The following TPX2 variants were observed in gnomAD, a reference collection of about 807,000 sequenced individuals.
TPX2 encodes the protein TPX2 microtubule nucleation factor.
TPX2 carries 21 observed loss-of-function variants against 93.6 expected under a neutral mutation model. That is an observed-to-expected ratio of 0.22 (90% CI 0.16 to 0.32). The LOEUF is 0.32. Among genes scored for constraint, TPX2 ranks in the 10% least tolerant of loss-of-function variants. TPX2 has a pLI of 1.00. For synonymous variants in TPX2, 281 were observed against 298.3 expected, an observed-to-expected ratio of 0.94 and a Z score of 0.60; for missense variants, 776 against 871.1, an observed-to-expected ratio of 0.89 and a Z score of 1.37.
chr20:31,765,145 T>G (rs940649984), intron 4 of TPX2, among the ~76,000 whole-genome samples: 1 of 151,738 alleles, frequency 6.6e-6, no homozygotes, highest in Non-Finnish European at 1.5e-5. Context: ...CCCATAACAC[T>G]TTTTTTCTAT....
At position 31,801,306 on chromosome 20, in the gene TPX2, G is replaced by T; in HGVS notation, c.*226G>T. On this transcript the variant is annotated 3_prime_UTR_variant, in exon 18 of 18. Coordinates refer to ENST00000300403, the MANE Select transcript of TPX2 (RefSeq NM_012112.5). ...ATGAGATGTAACTCATGAATGTCTC[G>T]ATTAGACTCCATGTAGTTACTTCCT... The T allele has an allele frequency of 2.1e-6, 1 of 484,972 alleles. No individual in the cohort carries two copies. The highest frequency in any genetic ancestry group is 2.7e-5 in the South Asian group (1 of 36,706). The allele number at this position is 484,972 out of a possible 1,614,324, so 30.0% of individuals were successfully genotyped here.
chr20:31,755,740 G>T (rs2061848028), intron 2 of TPX2, among the ~76,000 whole-genome samples: 1 of 151,304 alleles, frequency 6.6e-6, no homozygotes, highest in Admixed American at 6.6e-5. Flanking sequence ...CAGCCTGGGG[G>T]ACAGAGTGAG....
rs887151180 is a variant in TPX2, at chr20:31,798,461, T to G, written c.2042T>G (p.Val681Gly). 1.2e-6 allele frequency: 2 copies of G among 1,613,626 alleles called. No individual in the cohort carries two copies. The highest frequency in any genetic ancestry group is 1.7e-6 in the Non-Finnish European group (2 of 1,179,998). The change falls in exon 17 of 18, where the codon GTA (valine) becomes GGA (glycine). Residue 681 changes from valine to glycine, a missense_variant. By Grantham distance (109) the Val-to-Gly change is moderately radical. Transcript: ENST00000300403. ...RQELEKRMAE[V>G]EAQKAQQLEE... ...GAGCTGGAGAAGAGAATGGCTGAGG[T>G]AGAAGCCCAGAAAGCCCAGCAGTTG...
chr20:31,794,919 C>A (rs1353001137), intron 15 of TPX2, among the ~76,000 whole-genome samples: 1 of 151,694 alleles, frequency 6.6e-6, no homozygotes, highest in Non-Finnish European at 1.5e-5. Flanking sequence ...CTCCTGGGTT[C>A]ACGCCAGTCT....
intron 2 of TPX2, among the ~76,000 whole-genome samples, chr20:31,744,953 G>A (rs899467735): frequency 6.6e-6 from 1 of 152,096 alleles, no homozygotes; most frequent in African/African-American, 2.4e-5. Flanking sequence ...CAGGCATGAT[G>A]ACGGGTGCCT....
At chr20:31,746,532 T>C (rs749135204) in intron 2 of TPX2, among the ~76,000 whole-genome samples, 1 of 152,048 alleles carries the variant, frequency 6.6e-6, no homozygotes, top group Non-Finnish European at 1.5e-5. Context: ...TATTCTATTA[T>C]ATTACCAGTT....
chr20:31,767,523 A>G (rs533896932), intron 5 of TPX2, among the ~76,000 whole-genome samples: 1 of 151,930 alleles, frequency 6.6e-6, no homozygotes, highest in African/African-American at 2.4e-5. Flanking sequence ...TATAGGCATA[A>G]ACCACCGCAT....
Position 31,741,061 on chromosome 20 carries a change from A to G in TPX2, c.-178+1440A>G, listed in dbSNP as rs138236148. ...ACCTTGATAAAATTAATTTATTGCAATTAAGTTTGTCCAGGATTATGTGAG... is the reference window on the plus strand; with the variant it reads ...ACCTTGATAAAATTAATTTATTGCAGTTAAGTTTGTCCAGGATTATGTGAG... On this transcript the variant is annotated intron_variant, in intron 1 of 17. Transcript: ENST00000300403. Among the ~76,000 whole-genome samples the G allele has an allele frequency of 3.3e-3, 506 of 152,312 alleles. 5 individuals are homozygous for G. The highest frequency in any genetic ancestry group is 0.012 in the African/African-American group (490 of 41,568).
intron 17 of TPX2, 109 bp from the exon 18 acceptor site, chr20:31,800,861 G>A: frequency 1.1e-6 from 1 of 893,710 alleles, no homozygotes; most frequent in Non-Finnish European, 1.8e-6. Flanking sequence ...ACTAGTGACT[G>A]GGACCTGTAA....
intron 2 of TPX2, among the ~76,000 whole-genome samples, chr20:31,755,760 CAAAA>C (rs559251251): frequency 6.1e-5 from 7 of 113,974 alleles, no homozygotes; most frequent in African/African-American, 2.3e-4. Context: ...GACTCCGTCT[CAAAA>C]AAAAAAAAAA....
chr20:31,797,500 A>G lies in TPX2; in HGVS notation c.1930A>G (p.Lys644Glu). The change falls in exon 16 of 18, where the codon AAG becomes GAG. Residue 644 changes from lysine (K) to glutamate (E), a missense_variant. Physicochemically the swap from Lys to Glu is moderately conservative, Grantham distance 56. Coordinates refer to ENST00000300403, the MANE Select transcript of TPX2 (RefSeq NM_012112.5). ...GGAGCCCTTTGTTCCCAAGAAAGAG[A>G]AGAAATCAGTTGCTGGTAGTATTAT... is the stretch of plus-strand genomic sequence containing the variant. ...SQEPFVPKKE[K>E]KSVAEGLSGS... is the part of the protein sequence containing the mutation. The G allele has an allele frequency of 6.2e-7, 1 of 1,613,944 alleles. No individual in the cohort carries two copies. The highest frequency in any genetic ancestry group is 8.5e-7 in the Non-Finnish European group (1 of 1,179,892).
intron 1 of TPX2, among the ~76,000 whole-genome samples, chr20:31,740,739 G>C (rs866137171): frequency 6.6e-6 from 1 of 152,194 alleles, no homozygotes; most frequent in Non-Finnish European, 1.5e-5. Context: ...GGACAATTTA[G>C]AGGTGAGGGA....
At chr20:31,792,998 A>C (rs1473153202) in intron 13 of TPX2, among the ~76,000 whole-genome samples, 168 bp downstream of exon 13, 1 of 152,190 alleles carries the variant, frequency 6.6e-6, no homozygotes, top group Non-Finnish European at 1.5e-5. Flanking sequence ...TCCAAGAACA[A>C]AGTAATTGGT....
intron 2 of TPX2, among the ~76,000 whole-genome samples, chr20:31,749,511 G>A (rs1233433399): frequency 1.3e-5 from 2 of 152,100 alleles, no homozygotes; most frequent in Non-Finnish European, 2.9e-5. Flanking sequence ...AGTAATAGCT[G>A]TTGGCCGGGC....
intron 12 of TPX2, among the ~76,000 whole-genome samples, chr20:31,791,827 TTTG>T (rs1408854449): frequency 6.6e-6 from 1 of 152,154 alleles, no homozygotes; most frequent in Non-Finnish European, 1.5e-5. Flanking sequence ...GAGGTTTTGT[TTTG>T]TTCTTAATCG....
In TPX2 at chr20:31,777,506, A is replaced by G. The variant is rs1179164060; in HGVS notation, c.750A>G (p.Ser250=). 1 of 1,614,070 alleles carries G rather than the reference A, an allele frequency of 6.2e-7. No homozygotes were observed. Among genetic ancestry groups the G allele is most frequent in the Non-Finnish European group, 8.5e-7 (1 of 1,179,964 alleles). ...LAGIGQPVKK[S]VSQVTKSVDF... Reference sequence around the variant, plus strand: ...TCTCAGGGCAACCTGTGAAGAAATCAGTGAGCCAGGTCACCAAATCAGTTG... The same window carrying G: ...TCTCAGGGCAACCTGTGAAGAAATCGGTGAGCCAGGTCACCAAATCAGTTG... Residue 250 remains serine, a synonymous_variant, in exon 9 of 18, where the codon TCA becomes TCG. Transcript: ENST00000300403.
At chr20:31,770,814 TG>T (rs923908049) in intron 6 of TPX2, among the ~76,000 whole-genome samples, 2 of 151,974 alleles carry the variant, frequency 1.3e-5, no homozygotes, top group African/African-American at 4.8e-5. Flanking sequence ...TCAACTGGAG[TG>T]GTTTAAAGAA....
intron 12 of TPX2, 74 bp downstream of exon 12, chr20:31,783,995 T>C: frequency 1.3e-6 from 2 of 1,510,728 alleles, no homozygotes; most frequent in South Asian, 2.3e-5. Flanking sequence ...ACACAAAAGT[T>C]TGGGTAGATA....
chr20:31,746,183 A>C (rs1329561589), intron 2 of TPX2, among the ~76,000 whole-genome samples: 1 of 152,222 alleles, frequency 6.6e-6, no homozygotes, highest in Non-Finnish European at 1.5e-5. Context: ...AACAGATCCA[A>C]TTTCAACATA....
Sources: gnomAD v4.1 joint callset for allele counts (sites outside exome capture counted in the v4.1 genomes callset) on GRCh38, gnomAD v4.1.1 for gene constraint, MANE v1.5 for transcripts, NCBI Gene and HGNC (gene_info 2026-07-23, HGNC 2026-07-21) for gene names.